TMEM108: variants seen among roughly 807,000 people sequenced by gnomAD.
TMEM108 encodes the protein transmembrane protein 108, also known as cancer/testis antigen 124.
Under a neutral mutation model 35.1 loss-of-function variants are expected in TMEM108, and 12 were observed. The ratio of observed to expected loss-of-function variants is 0.34; its 90% confidence interval spans 0.22 to 0.55. TMEM108 has a LOEUF of 0.55. TMEM108 is among the 20% of genes least tolerant of loss of function. The probability of loss-of-function intolerance (pLI) is 0.89; values close to 1 mark genes in which losing one functional copy is unlikely to be tolerated. For synonymous variants in TMEM108, 287 were observed against 308.6 expected (o/e 0.93, Z 0.73); for missense variants, 680 against 753.3 (o/e 0.90, Z 1.14).
At position 133,354,295 on chromosome 3, in the gene TMEM108, T is replaced by C. The variant is rs1382400051; in HGVS notation, c.41-25457T>C. On this transcript the variant is annotated intron_variant, in intron 3 of 5. Transcript: ENST00000321871. ...CATCAGGGGTCTGCTGGTAAAGCTCTCAGCTGGGGATGTTGCCTGGCTGGG... is the reference window on the plus strand; with the variant it reads ...CATCAGGGGTCTGCTGGTAAAGCTCCCAGCTGGGGATGTTGCCTGGCTGGG... 5.3e-5 allele frequency among the ~76,000 whole-genome samples: 8 copies of C among 152,168 alleles called. No homozygotes were observed. The East Asian group carries it at 1.5e-3, about 29-fold the overall frequency.
intron 2 of TMEM108, among the ~76,000 whole-genome samples, chr3:133,050,095 T>C (rs935152562): frequency 1.3e-5 from 2 of 152,148 alleles, no homozygotes; most frequent in South Asian, 2.1e-4. Context: ...TGTGGAAATA[T>C]AGACACACAA....
intron 3 of TMEM108, among the ~76,000 whole-genome samples, chr3:133,289,340 G>A (rs1463914623): frequency 6.6e-6 from 1 of 152,154 alleles, no homozygotes; most frequent in African/African-American, 2.4e-5. Context: ...CAATTTCAGA[G>A]AATCTGCATT....
At chr3:133,342,674 C>T (rs368042212) in intron 3 of TMEM108, among the ~76,000 whole-genome samples, 15 of 150,016 alleles carry the variant, frequency 1.0e-4, no homozygotes, top group African/African-American at 3.7e-4. Context: ...AAAATAAATA[C>T]TGCATCTTCT....
At chr3:133,178,216 A>T (rs1037012038) in intron 2 of TMEM108, among the ~76,000 whole-genome samples, 1 of 152,226 alleles carries the variant, frequency 6.6e-6, no homozygotes, top group African/African-American at 2.4e-5. Flanking sequence ...AAGAATCAAT[A>T]TCGTGAAAAT....
At chr3:133,053,531 C>A (rs2107676564) in intron 2 of TMEM108, among the ~76,000 whole-genome samples, 1 of 152,278 alleles carries the variant, frequency 6.6e-6, no homozygotes, top group Admixed American at 6.5e-5. Flanking sequence ...ATTTTGATTA[C>A]AAGAGTGGAA....
chr3:133,107,911 T>C (rs1160834941), intron 2 of TMEM108, among the ~76,000 whole-genome samples: 1 of 152,208 alleles, frequency 6.6e-6, no homozygotes, highest in Non-Finnish European at 1.5e-5. Context: ...GCTTAAACCT[T>C]GTAAGGACTG....
At chr3:133,273,599 G>A (rs576835408) in intron 3 of TMEM108, among the ~76,000 whole-genome samples, 14 of 152,296 alleles carry the variant, frequency 9.2e-5, no homozygotes, top group African/African-American at 3.1e-4. Context: ...TGAGTTCTGG[G>A]TGAGTGGTGG....
Position 133,045,128 on chromosome 3 carries a change from C to T in TMEM108, c.-165-774C>T, listed in dbSNP as rs373199849. 2.2e-4 allele frequency among the ~76,000 whole-genome samples: 34 copies of T among 152,112 alleles called. No homozygotes were observed. The East Asian group carries it at 4.3e-3, about 19-fold the overall frequency. On this transcript the variant is annotated intron_variant, in intron 1 of 5. Transcript: ENST00000321871. Reference sequence around the variant, plus strand: ...GACTACAGGCACCCGCCACCATGCCCGGCTAATTTTTTGTATTTTTTAATA... The same window carrying T: ...GACTACAGGCACCCGCCACCATGCCTGGCTAATTTTTTGTATTTTTTAATA...
intron 3 of TMEM108, among the ~76,000 whole-genome samples, chr3:133,245,480 A>G (rs12108138): frequency 0.01 from 1,550 of 152,302 alleles, 24 homozygotes; most frequent in African/African-American, 0.034. Flanking sequence ...CTCACCACTC[A>G]GCATAAACAC....
intron 2 of TMEM108, among the ~76,000 whole-genome samples, chr3:133,064,178 A>C (rs1943568513): frequency 6.6e-6 from 1 of 152,184 alleles, no homozygotes; most frequent in Non-Finnish European, 1.5e-5. Context: ...TTTAGTCTAA[A>C]ACCAGTTATC....
chr3:133,295,960 C>T (rs1219662996), intron 3 of TMEM108, among the ~76,000 whole-genome samples: 1 of 152,218 alleles, frequency 6.6e-6, no homozygotes, highest in Non-Finnish European at 1.5e-5. Flanking sequence ...GGAACAACCT[C>T]TCTTACTAAC....
At chr3:133,236,601 G>A (rs1474746441) in intron 3 of TMEM108, among the ~76,000 whole-genome samples, 1 of 152,066 alleles carries the variant, frequency 6.6e-6, no homozygotes, top group Admixed American at 6.6e-5. Context: ...TGCTTCTCAT[G>A]TGATCTCTGG....
intron 2 of TMEM108, among the ~76,000 whole-genome samples, chr3:133,178,022 GACAA>G (rs1322483864): frequency 6.6e-5 from 10 of 152,092 alleles, no homozygotes; most frequent in African/African-American, 1.7e-4. Context: ...ATCAATAACA[GACAA>G]ACAGAGAGCC....
chr3:133,122,081 G>GT lies in TMEM108; in HGVS notation c.-47+76067dup, dbSNP rs569086351. Reference sequence around the variant, plus strand: ...ACATCAGTTAGAATTCTTGGATCCAGTTTTTTAATTCTTGTTGTATATGTA... The same window carrying GT: ...ACATCAGTTAGAATTCTTGGATCCAGTTTTTTTAATTCTTGTTGTATATGTA... On this transcript the variant is annotated intron_variant, in intron 2 of 5. Coordinates refer to ENST00000321871, the MANE Select transcript of TMEM108 (RefSeq NM_023943.4). Among the ~76,000 whole-genome samples the GT allele has an allele frequency of 1.9e-3, 290 of 152,108 alleles. 2 individuals carry two copies. The highest frequency in any genetic ancestry group is 6.5e-3 in the African/African-American group (270 of 41,506).
intron 2 of TMEM108, among the ~76,000 whole-genome samples, chr3:133,141,475 TA>T (rs1248725521): frequency 2.6e-5 from 4 of 152,128 alleles, no homozygotes; most frequent in African/African-American, 9.7e-5. Context: ...ACCTTAGATA[TA>T]CCTGGGCAAG....
intron 3 of TMEM108, among the ~76,000 whole-genome samples, chr3:133,237,209 T>C (rs1559877991): frequency 1.3e-5 from 2 of 152,212 alleles, no homozygotes; most frequent in Non-Finnish European, 1.5e-5. Context: ...ATGCTGTATG[T>C]ACACCTTTGT....
At chr3:133,105,890 C>T (rs1944144166) in intron 2 of TMEM108, among the ~76,000 whole-genome samples, 1 of 152,064 alleles carries the variant, frequency 6.6e-6, no homozygotes, top group South Asian at 2.1e-4. Flanking sequence ...CCTGTGTACC[C>T]CATGGGCAGT....
intron 2 of TMEM108, among the ~76,000 whole-genome samples, chr3:133,223,882 A>C (rs970160711): frequency 1.4e-4 from 22 of 152,348 alleles, no homozygotes; most frequent in Middle Eastern, 3.4e-3. Flanking sequence ...AAGAAGACCT[A>C]ATTAAGATTA....
In TMEM108 at chr3:133,396,044, A is replaced by C; in HGVS notation, c.*58A>C. ...TTTCGTCTCTAAATTATAAATATACAAATACATATATTATAAATATAACCT... is the reference window on the plus strand; with the variant it reads ...TTTCGTCTCTAAATTATAAATATACCAATACATATATTATAAATATAACCT... On this transcript the variant is annotated 3_prime_UTR_variant, in exon 6 of 6. Transcript: ENST00000321871. The C allele has an allele frequency of 8.2e-7, 1 of 1,213,852 alleles. No homozygotes were observed. The highest frequency in any genetic ancestry group is 1.1e-6 in the Non-Finnish European group (1 of 945,968). The allele number at this position is 1,213,852 out of a possible 1,614,324, so 75.2% of individuals were successfully genotyped here. A position where few individuals can be genotyped will look rare whatever the true frequency, so the allele number is the denominator to read the frequency against.
Sources: allele counts gnomAD v4.1 joint callset (sites outside exome capture counted in the v4.1 genomes callset), GRCh38; gene constraint gnomAD v4.1.1; transcripts MANE v1.5; gene names NCBI Gene and HGNC (gene_info 2026-07-23, HGNC 2026-07-21).